The following PKIB variants were observed in gnomAD, a reference collection of about 807,000 sequenced individuals.
PKIB encodes the protein cAMP-dependent protein kinase inhibitor beta.
A neutral mutation model predicts 4.5 loss-of-function variants in PKIB; 2 were observed. That is an observed-to-expected ratio of 0.44 (90% confidence interval 0.18 to 1.39). PKIB has a LOEUF of 1.39. Ranked by LOEUF, PKIB falls within the 40% of genes most tolerant of loss-of-function variation. PKIB has a pLI of 0.27. For missense variants in PKIB, 94 were observed against 92.6 expected, an observed-to-expected ratio of 1.02 and a Z score of -0.06; for synonymous variants, 38 against 36.0, an observed-to-expected ratio of 1.06 and a Z score of -0.20.
chr6:122,724,108 A>G (rs1419777282), intron 4 of PKIB, among the ~76,000 whole-genome samples: 2 of 152,208 alleles, frequency 1.3e-5, no homozygotes, highest in African/African-American at 4.8e-5. Context: ...TCACTTAAAA[A>G]CGGAGACAAC....
chr6:122,513,590 A>G (rs1275168250), intron 2 of PKIB, among the ~76,000 whole-genome samples: 2 of 152,178 alleles, frequency 1.3e-5, no homozygotes, highest in African/African-American at 4.8e-5. Context: ...TAGTAAACAT[A>G]GTACCCAAAG....
chr6:122,530,885 A>G (rs1777235926), intron 2 of PKIB, among the ~76,000 whole-genome samples: 1 of 152,224 alleles, frequency 6.6e-6, no homozygotes, highest in Admixed American at 6.5e-5. Flanking sequence ...GAACAGACAC[A>G]TCAAATGCTG....
intron 2 of PKIB, among the ~76,000 whole-genome samples, chr6:122,539,722 T>G (rs1187780157): frequency 2.6e-5 from 4 of 151,698 alleles, no homozygotes; most frequent in Non-Finnish European, 2.9e-5. Flanking sequence ...GATTCCCTCT[T>G]TTTCTATTGA....
intron 2 of PKIB, among the ~76,000 whole-genome samples, chr6:122,552,110 C>T (rs1188700058): frequency 6.6e-6 from 1 of 151,974 alleles, no homozygotes. Flanking sequence ...TTAAATATTT[C>T]TCTTTGCAGC....
intron 3 of PKIB, among the ~76,000 whole-genome samples, chr6:122,682,973 A>G (rs1376713132): frequency 6.6e-6 from 1 of 152,148 alleles, no homozygotes; most frequent in Non-Finnish European, 1.5e-5. Flanking sequence ...CCCATTCACA[A>G]GGGTCCCCGG....
At chr6:122,656,097 C>A (rs1205097175) in intron 2 of PKIB, among the ~76,000 whole-genome samples, 1 of 151,612 alleles carries the variant, frequency 6.6e-6, no homozygotes, top group Admixed American at 6.6e-5. Flanking sequence ...TTCTTTCTTT[C>A]TAGGAAATCT....
chr6:122,573,540 AAAAG>A (rs1186147393), intron 2 of PKIB, among the ~76,000 whole-genome samples: 5 of 151,394 alleles, frequency 3.3e-5, no homozygotes, highest in South Asian at 2.1e-4. Flanking sequence ...AAAAAAAAGA[AAAAG>A]AAAAAAAAAA....
At chr6:122,483,128 G>C (rs1202210079) in intron 2 of PKIB, 1 of 151,966 alleles carries the variant, frequency 6.6e-6, no homozygotes. Flanking sequence ...ATTATTTGTC[G>C]AAGTATTACA....
chr6:122,662,273 G>GTCTCTTTC (rs1338227437), intron 2 of PKIB, among the ~76,000 whole-genome samples: 2 of 123,828 alleles, frequency 1.6e-5, no homozygotes, highest in African/African-American at 6.1e-5. Context: ...CTAAACCAAG[G>GTCTCTTTC]TCTCTTTCTC....
chr6:122,641,699 A>G (rs528701991), intron 2 of PKIB, among the ~76,000 whole-genome samples: 1 of 152,034 alleles, frequency 6.6e-6, no homozygotes, highest in South Asian at 2.1e-4. Context: ...GCTTATTATT[A>G]TTATTATTTT....
intron 2 of PKIB, among the ~76,000 whole-genome samples, chr6:122,663,467 C>T (rs551922548): frequency 2.6e-5 from 4 of 152,224 alleles, no homozygotes; most frequent in East Asian, 1.9e-4. Context: ...ACAAACTGGG[C>T]GGCTTAAAAC....
intron 3 of PKIB, among the ~76,000 whole-genome samples, chr6:122,604,514 AG>A (rs1451849351): frequency 6.6e-6 from 1 of 152,200 alleles, no homozygotes; most frequent in East Asian, 1.9e-4. Context: ...GGTCACATGG[AG>A]TGTCAAGTTG....
intron 2 of PKIB, among the ~76,000 whole-genome samples, chr6:122,526,496 G>T (rs1366772214): frequency 1.3e-5 from 2 of 151,980 alleles, no homozygotes; most frequent in Non-Finnish European, 2.9e-5. Flanking sequence ...GTGTTAGTAG[G>T]CACAAAAACA....
At chr6:122,570,721 A>AG (rs1582704899) in intron 2 of PKIB, among the ~76,000 whole-genome samples, 1 of 152,200 alleles carries the variant, frequency 6.6e-6, no homozygotes, top group East Asian at 1.9e-4. Flanking sequence ...GATTCCTAAG[A>AG]GGGAAAAAAA....
chr6:122,557,314 T>C (rs1772875020), intron 2 of PKIB, among the ~76,000 whole-genome samples: 1 of 152,206 alleles, frequency 6.6e-6, no homozygotes, highest in Non-Finnish European at 1.5e-5. Flanking sequence ...TCATTGCTTC[T>C]TTCAACTCAA....
At position 122,621,236 on chromosome 6, in the gene PKIB, A is replaced by C. The variant is rs965505920; in HGVS notation, c.-161+10701A>C. Reference sequence around the variant, plus strand: ...AATGGCTTCTGGGGGGATTAATGAGATTAGAAACAGAGAGATGCCCAATCC... The same window carrying C: ...AATGGCTTCTGGGGGGATTAATGAGCTTAGAAACAGAGAGATGCCCAATCC... On this transcript the variant is annotated intron_variant, in intron 1 of 4. Transcript: ENST00000368452. Among the ~76,000 whole-genome samples, 79 of 152,258 alleles carry C rather than the reference A, an allele frequency of 5.2e-4. 1 individual carries two copies. The highest frequency in any genetic ancestry group is 3.9e-3 in the South Asian group (19 of 4,820).
intron 2 of PKIB, among the ~76,000 whole-genome samples, chr6:122,531,954 C>T (rs746360374): frequency 6.6e-6 from 1 of 152,180 alleles, no homozygotes; most frequent in Non-Finnish European, 1.5e-5. Flanking sequence ...TGCAATGTTA[C>T]TTGACTTTTG....
At chr6:122,671,579 C>T (rs1027262810) in intron 2 of PKIB, among the ~76,000 whole-genome samples, 2 of 152,140 alleles carry the variant, frequency 1.3e-5, no homozygotes, top group Non-Finnish European at 2.9e-5. Context: ...ATGTAACTAA[C>T]CTGACATGAT....
intron 4 of PKIB, among the ~76,000 whole-genome samples, chr6:122,721,508 C>A (rs1442893858): frequency 2.0e-5 from 3 of 152,018 alleles, no homozygotes; most frequent in African/African-American, 7.2e-5. Flanking sequence ...ATAGAACATA[C>A]AACATTTTTT....
Sources: gnomAD v4.1 joint callset for allele counts (sites outside exome capture counted in the v4.1 genomes callset) on GRCh38, gnomAD v4.1.1 for gene constraint, MANE v1.5 for transcripts, NCBI Gene and HGNC (gene_info 2026-07-23, HGNC 2026-07-21) for gene names.